JPH2: variants seen among roughly 807,000 people sequenced by gnomAD.
The protein encoded by JPH2 is junctophilin 2.
JPH2 carries 38 observed loss-of-function variants against 55.9 expected under a neutral mutation model. The ratio of observed to expected loss-of-function variants is 0.68; its 90% CI spans 0.52 to 0.89. JPH2 has a LOEUF of 0.89. JPH2 is among the 40% of genes least tolerant of loss of function. JPH2 has a pLI of 0.00. For synonymous variants in JPH2, 480 were observed against 472.4 expected (o/e 1.02, Z -0.21); for missense variants, 964 against 1,037.6 (o/e 0.93, Z 0.97).
chr20:44,129,565 A>C (rs1051069656), intron 2 of JPH2, among the ~76,000 whole-genome samples: 18 of 106,074 alleles, frequency 1.7e-4, no homozygotes, highest in East Asian at 1.4e-3. Flanking sequence ...AAAAAAAAAA[A>C]AAAACAAAAA....
chr20:44,115,721 T>A lies in JPH2; in HGVS notation c.1954A>T (p.Lys652Ter). ...ARGLTKAGAK[K>*]KARKEAALAA... ...AGTGCGGCCTCCTTCCGCGCCTTCT[T>A]CTTGGCCCCCGCCTTGGTCAGCCCT... is the stretch of plus-strand genomic sequence containing the variant. Residue 652 changes from lysine to a stop codon, truncating the protein, a stop_gained, in exon 4 of 6, where the codon AAG (lysine) becomes TAG (stop). Transcript: ENST00000372980. LOFTEE classifies it high-confidence loss of function. 6.2e-7 allele frequency: 1 copy of A among 1,613,582 alleles called. No individual in the cohort carries two copies. The highest frequency in any genetic ancestry group is 8.5e-7 in the Non-Finnish European group (1 of 1,179,980).
At chr20:44,136,570 A>C (rs951661137) in intron 2 of JPH2, among the ~76,000 whole-genome samples, 16 of 152,154 alleles carry the variant, frequency 1.1e-4, no homozygotes, top group African/African-American at 3.1e-4. Context: ...AGGTATCACT[A>C]TCCCCACTTT....
At chr20:44,127,662 G>C (rs979656360) in intron 2 of JPH2, among the ~76,000 whole-genome samples, 1 of 149,394 alleles carries the variant, frequency 6.7e-6, no homozygotes, top group African/African-American at 2.4e-5. Flanking sequence ...ATTTTTTTTT[G>C]TATTTTTTAG....
At chr20:44,173,408 C>T (rs2072711641) in intron 1 of JPH2, among the ~76,000 whole-genome samples, 1 of 152,096 alleles carries the variant, frequency 6.6e-6, no homozygotes, top group Non-Finnish European at 1.5e-5. Flanking sequence ...GCTTCGACTT[C>T]CTATAATTTC....
rs559200357 is a variant in JPH2, at chr20:44,129,561, A to C, written c.1170-10938T>G. 5.5e-4 allele frequency among the ~76,000 whole-genome samples: 67 copies of C among 122,506 alleles called. 2 individuals are homozygous for C. In the South Asian group the frequency reaches 0.019, roughly 35 times the overall value. 80.4% of individuals were successfully genotyped at this position (122,506 alleles called of 152,430 possible). ...CAGAGCCAGGCTGTCTCAAAAAAAA[A>C]AAAAAAAACAAAAAAAACAAAACCA... On this transcript the variant is annotated intron_variant, in intron 2 of 5. Transcript: ENST00000372980.
In JPH2 at chr20:44,108,632, CAAAAAAA is replaced by C; in HGVS notation, c.*4879_*4885del. Among the ~76,000 whole-genome samples, 2 of 127,064 alleles carry C rather than the reference CAAAAAAA, an allele frequency of 1.6e-5. No individual in the cohort carries two copies. The highest frequency in any genetic ancestry group is 8.8e-3 in the Middle Eastern group (2 of 226). The allele number at this position is 127,064 out of a possible 152,430, so 83.4% of individuals were successfully genotyped here. The stretch of plus-strand genomic sequence containing the variant: ...TGGGTGACAGAATGAGACTCTGTCT[CAAAAAAA>C]AAAAAAAAGAAAAGAGGAAGAAGAA... On this transcript the variant is annotated 3_prime_UTR_variant, in exon 6 of 6. Coordinates refer to ENST00000372980, the MANE Select transcript of JPH2 (RefSeq NM_020433.5).
intron 2 of JPH2, among the ~76,000 whole-genome samples, chr20:44,121,782 T>C (rs1186446202): frequency 6.7e-6 from 1 of 149,434 alleles, no homozygotes; most frequent in East Asian, 2.0e-4. Flanking sequence ...AGCTCAGGAG[T>C]TCAAGACCAG....
chr20:44,115,875 G>GCA lies in JPH2; in HGVS notation c.1799_1800insTG (p.Thr601AlafsTer46), dbSNP rs1205033995. Reference sequence around the variant, plus strand: ...GCGTGGGGGCCTGCAGCGGGGCGGTGGCCGGGGACGAGGGCGCGGACTCGG... The same window carrying GCA: ...GCGTGGGGGCCTGCAGCGGGGCGGTGCAGCCGGGGACGAGGGCGCGGACTCGG... On this transcript the variant is annotated frameshift_variant, in exon 4 of 6. Transcript: ENST00000372980. LOFTEE classifies it high-confidence loss of function. The GCA allele has an allele frequency of 6.3e-7, 1 of 1,584,076 alleles. No homozygotes were observed. Among genetic ancestry groups the GCA allele is most frequent in the East Asian group, 2.3e-5 (1 of 44,354 alleles).
In JPH2 at chr20:44,116,394, G is replaced by A. The variant is rs1487982810; in HGVS notation, c.1289-8C>T. On this transcript the variant is annotated splice_region_variant and splice_polypyrimidine_tract_variant and intron_variant, in intron 3 of 5. Coordinates refer to ENST00000372980, the MANE Select transcript of JPH2 (RefSeq NM_020433.5). ...GCTTCTGATATTCCGGACCTGCCAG[G>A]GCAACACAGGGAGGCTGGGCTCGAA... 11 of 1,546,820 alleles carry A rather than the reference G, an allele frequency of 7.1e-6. No individual in the cohort carries two copies. The highest frequency in any genetic ancestry group is 2.0e-5 in the Admixed American group (1 of 50,930).
At chr20:44,149,670 A>G (rs760919614) in intron 2 of JPH2, among the ~76,000 whole-genome samples, 1 of 152,178 alleles carries the variant, frequency 6.6e-6, no homozygotes, top group Admixed American at 6.5e-5. Flanking sequence ...TTTGTTATAC[A>G]GAGTACTTAA....
In JPH2 at chr20:44,160,426, C is replaced by A; in HGVS notation, c.380-19G>T. 6.2e-7 allele frequency: 1 copy of A among 1,606,434 alleles called. No individual in the cohort carries two copies. The highest frequency in any genetic ancestry group is 8.5e-7 in the Non-Finnish European group (1 of 1,177,624). On this transcript the variant is annotated intron_variant, in intron 1 of 5. Transcript: ENST00000372980. This position sits in a 1 kb window ranked among gnomAD's most constrained non-coding sequence, Gnocchi z 4.9. ...TACGTCCCTGCGGGCGAGGAGAGGG[C>A]GCGTCAGTAGGCGGCACGACGGGTC...
chr20:44,109,649 T>C lies in JPH2; in HGVS notation c.*3869A>G, dbSNP rs1600825334. 6.6e-6 allele frequency among the ~76,000 whole-genome samples: 1 copy of C among 152,226 alleles called. No homozygotes were observed. The highest frequency in any genetic ancestry group is 1.9e-4 in the East Asian group (1 of 5,196). On this transcript the variant is annotated 3_prime_UTR_variant, in exon 6 of 6. Coordinates refer to ENST00000372980, the MANE Select transcript of JPH2 (RefSeq NM_020433.5). ...GCACAAAACAAGAACCTAAGAGCTATTTTAATTTCAGCATACATGCAAGTT... is the reference window on the plus strand; with the variant it reads ...GCACAAAACAAGAACCTAAGAGCTACTTTAATTTCAGCATACATGCAAGTT...
intron 2 of JPH2, among the ~76,000 whole-genome samples, chr20:44,147,230 C>G (rs2145868665): frequency 6.6e-6 from 1 of 152,314 alleles, no homozygotes; most frequent in East Asian, 1.9e-4. Flanking sequence ...TTGAATGTCC[C>G]TGATGGGATA....
intron 2 of JPH2, among the ~76,000 whole-genome samples, chr20:44,158,167 A>G (rs2072578849): frequency 6.6e-6 from 1 of 152,210 alleles, no homozygotes; most frequent in South Asian, 2.1e-4. Flanking sequence ...GGCGCGCTCT[A>G]AGGACAGAAC....
At chr20:44,135,096 AT>A (rs1484078073) in intron 2 of JPH2, among the ~76,000 whole-genome samples, 2 of 151,278 alleles carry the variant, frequency 1.3e-5, no homozygotes, top group African/African-American at 4.9e-5. Flanking sequence ...AACAATTGGC[AT>A]GACCATACCT....
At chr20:44,174,671 G>A (rs1365038571) in intron 1 of JPH2, among the ~76,000 whole-genome samples, 1 of 152,112 alleles carries the variant, frequency 6.6e-6, no homozygotes, top group East Asian at 1.9e-4. Context: ...CTACTCGGGA[G>A]GCTGAGGCAG....
At chr20:44,148,791 T>C (rs1222043685) in intron 2 of JPH2, among the ~76,000 whole-genome samples, 1 of 151,706 alleles carries the variant, frequency 6.6e-6, no homozygotes, top group Non-Finnish European at 1.5e-5. Context: ...CGGCCGGGCG[T>C]GGTGGCTCAC....
At chr20:44,137,860 G>A (rs2072425318) in intron 2 of JPH2, among the ~76,000 whole-genome samples, 1 of 152,092 alleles carries the variant, frequency 6.6e-6, no homozygotes, top group African/African-American at 2.4e-5. Flanking sequence ...TGGGAAGAGG[G>A]AGAGGAGAAA....
intron 2 of JPH2, among the ~76,000 whole-genome samples, chr20:44,129,724 T>C (rs1007803660): frequency 1.3e-5 from 2 of 151,938 alleles, no homozygotes; most frequent in Non-Finnish European, 1.5e-5. Context: ...TTTGCAGGTG[T>C]GATTAAATAA....
Sources: gnomAD v4.1 joint callset for allele counts (sites outside exome capture counted in the v4.1 genomes callset) on GRCh38, gnomAD v4.1.1 for gene constraint, Gnocchi (gnomAD v3.1) non-coding constraint, MANE v1.5 for transcripts, NCBI Gene and HGNC (gene_info 2026-07-23, HGNC 2026-07-21) for gene names.